CACNA2D3: variants seen among roughly 807,000 people sequenced by gnomAD.
The protein encoded by CACNA2D3 is voltage-dependent calcium channel subunit alpha-2/delta-3.
Under a neutral mutation model 160.6 loss-of-function variants are expected in CACNA2D3, and 60 were observed. The ratio of observed to expected loss-of-function variants is 0.37; its 90% CI spans 0.30 to 0.46. The LOEUF is 0.46. Among genes scored for constraint, CACNA2D3 ranks in the 20% least tolerant of loss-of-function variants. The pLI is 1.00. For synonymous variants in CACNA2D3, 558 were observed against 492.9 expected, an observed-to-expected ratio of 1.13 and a Z score of -1.75; for missense variants, 1,205 against 1,365.0, an observed-to-expected ratio of 0.88 and a Z score of 1.85.
At chr3:54,763,792 T>TATATACGTATATATACGTAC (rs1702148029) in intron 12 of CACNA2D3, among the ~76,000 whole-genome samples, 6 of 39,430 alleles carry the variant, frequency 1.5e-4, no homozygotes, top group South Asian at 9.1e-4. Context: ...TATATATGTA[T>TATATACGTATATATACGTAC]ATATATGTAC....
intron 13 of CACNA2D3, among the ~76,000 whole-genome samples, chr3:54,794,113 A>C (rs1241106646): frequency 1.3e-5 from 2 of 152,158 alleles, no homozygotes; most frequent in Non-Finnish European, 2.9e-5. Flanking sequence ...TATAATGATC[A>C]CACATATATA....
chr3:54,194,402 G>A (rs1299208423), intron 2 of CACNA2D3, among the ~76,000 whole-genome samples: 1 of 152,154 alleles, frequency 6.6e-6, no homozygotes, highest in Non-Finnish European at 1.5e-5. Flanking sequence ...GAGAAGCAGG[G>A]ACATGATGAT....
At chr3:54,169,327 C>T in intron 2 of CACNA2D3, among the ~76,000 whole-genome samples, 1 of 144,080 alleles carries the variant, frequency 6.9e-6, no homozygotes, top group Non-Finnish European at 1.6e-5. Flanking sequence ...CCACTCAGCT[C>T]ATGTAAAGGG....
rs983478535 is a variant in CACNA2D3, at chr3:54,450,137, G to C, written c.382-53355G>C. Among the ~76,000 whole-genome samples the C allele has an allele frequency of 2.6e-5, 4 of 152,260 alleles. No individual in the cohort carries two copies. The South Asian group carries it at 8.3e-4, about 32-fold the overall frequency. On this transcript the variant is annotated intron_variant, in intron 4 of 37. Transcript: ENST00000474759. ...TGGGGAACTAGGTGAGTCTCTGCCT[G>C]TATTAATTTCCTAGGACCTTCATAA...
intron 27 of CACNA2D3, chr3:54,927,882 A>G (rs749922105): frequency 6.2e-7 from 1 of 1,613,498 alleles, no homozygotes; most frequent in South Asian, 1.1e-5. Context: ...GAACTTTTCC[A>G]ACGGGAATTG....
intron 2 of CACNA2D3, among the ~76,000 whole-genome samples, chr3:54,157,715 C>T (rs1049710475): frequency 3.3e-5 from 5 of 151,788 alleles, no homozygotes; most frequent in Admixed American, 6.6e-5. Flanking sequence ...CGCTTGAACC[C>T]GGGAGGCGGG....
rs71074970 is a variant in CACNA2D3, at chr3:54,451,229, C to CTTTTTTT, written c.382-52237_382-52231dup. ...TGTCCCTTTCTGCTGATATAATAAT[C>CTTTTTTT]TTTTTTTTTTTTTTTTTTTTTTTTT... is the stretch of plus-strand genomic sequence containing the variant. On this transcript the variant is annotated intron_variant, in intron 4 of 37. Coordinates refer to ENST00000474759, the MANE Select transcript of CACNA2D3 (RefSeq NM_018398.3). 4.8e-3 allele frequency among the ~76,000 whole-genome samples: 247 copies of CTTTTTTT among 51,760 alleles called. 65 individuals carry two copies. The highest frequency in any genetic ancestry group is 8.9e-3 in the African/African-American group (103 of 11,610). 34.0% of individuals were successfully genotyped at this position (51,760 alleles called of 152,430 possible).
intron 27 of CACNA2D3, among the ~76,000 whole-genome samples, chr3:54,947,935 C>T (rs1036350449): frequency 7.2e-5 from 11 of 152,174 alleles, no homozygotes; most frequent in Non-Finnish European, 1.5e-4. Flanking sequence ...GCCTCTGTCT[C>T]TTTGCTGCCT....
At chr3:54,671,132 G>A (rs891543214) in intron 11 of CACNA2D3, among the ~76,000 whole-genome samples, 1 of 151,478 alleles carries the variant, frequency 6.6e-6, no homozygotes, top group African/African-American at 2.4e-5. Context: ...GGTACTTCAC[G>A]CATTTTCACA....
At chr3:54,447,957 A>C (rs1393887639) in intron 4 of CACNA2D3, among the ~76,000 whole-genome samples, 1 of 152,172 alleles carries the variant, frequency 6.6e-6, no homozygotes, top group Non-Finnish European at 1.5e-5. Flanking sequence ...TGATGATATC[A>C]GTGGGAAGTG....
intron 2 of CACNA2D3, among the ~76,000 whole-genome samples, chr3:54,242,273 C>CAAAAAA (rs60089020): frequency 2.0e-5 from 3 of 151,358 alleles, no homozygotes; most frequent in African/African-American, 7.3e-5. Context: ...ATACAAAAAA[C>CAAAAAA]AAAAACAAAC....
At chr3:54,905,844 G>C (rs141050258) in intron 27 of CACNA2D3, among the ~76,000 whole-genome samples, 3 of 152,160 alleles carry the variant, frequency 2.0e-5, no homozygotes, top group African/African-American at 7.2e-5. Flanking sequence ...CTTCAACTCA[G>C]TGCTTTCAAA....
intron 2 of CACNA2D3, among the ~76,000 whole-genome samples, chr3:54,262,995 G>C (rs1483090221): frequency 6.6e-6 from 1 of 152,054 alleles, no homozygotes; most frequent in Non-Finnish European, 1.5e-5. Context: ...TCCACCCCAG[G>C]TAGTCACTAT....
intron 34 of CACNA2D3, among the ~76,000 whole-genome samples, 175 bp from the exon 35 acceptor site, chr3:55,018,028 AGAG>A (rs1454967107): frequency 1.3e-5 from 2 of 152,234 alleles, no homozygotes; most frequent in Non-Finnish European, 2.9e-5. Flanking sequence ...TATAGCTTAT[AGAG>A]TTGCTTGGCA....
At chr3:55,049,063 T>G (rs1575451442) in intron 35 of CACNA2D3, among the ~76,000 whole-genome samples, 1 of 151,554 alleles carries the variant, frequency 6.6e-6, no homozygotes, top group East Asian at 1.9e-4. Context: ...GCTCCTGGAT[T>G]CATTAATTTT....
intron 27 of CACNA2D3, among the ~76,000 whole-genome samples, chr3:54,928,447 C>T (rs552619042): frequency 1.3e-5 from 2 of 152,120 alleles, no homozygotes; most frequent in Non-Finnish European, 2.9e-5. Flanking sequence ...ACCTGGGGGT[C>T]GAGCAGCAGA....
chr3:54,335,703 C>A (rs1418324465), intron 3 of CACNA2D3, among the ~76,000 whole-genome samples: 3 of 152,052 alleles, frequency 2.0e-5, no homozygotes, highest in Non-Finnish European at 4.4e-5. Flanking sequence ...TTACCCAGCC[C>A]CTATTTAAGA....
At chr3:54,842,420 A>G (rs1698838476) in intron 16 of CACNA2D3, among the ~76,000 whole-genome samples, 1 of 152,154 alleles carries the variant, frequency 6.6e-6, no homozygotes, top group Non-Finnish European at 1.5e-5. Flanking sequence ...GCAAATGTCT[A>G]AAATACACAA....
At chr3:55,073,672 TGGAGAG>T (rs1171006713) in intron 36 of CACNA2D3, 99 bp from the exon 37 acceptor site, 1 of 1,240,438 alleles carries the variant, frequency 8.1e-7, no homozygotes, top group Non-Finnish European at 1.2e-6. Context: ...TTTCCACTGT[TGGAGAG>T]AGAGAGTAGT....
Sources: gnomAD v4.1 joint callset for allele counts (sites outside exome capture counted in the v4.1 genomes callset) on GRCh38, gnomAD v4.1.1 for gene constraint, MANE v1.5 for transcripts, NCBI Gene and HGNC (gene_info 2026-07-23, HGNC 2026-07-21) for gene names.